The following LINGO2 variants were observed in gnomAD, a reference collection of about 807,000 sequenced individuals.
LINGO2 encodes the protein leucine rich repeat and Ig domain containing 2.
LINGO2 carries 14 observed loss-of-function variants against 30.6 expected under a neutral mutation model. That is an observed-to-expected ratio of 0.46 (90% CI 0.30 to 0.72). The LOEUF (loss-of-function observed/expected upper bound fraction) is 0.72. LINGO2 is among the 30% of genes least tolerant of loss of function. The pLI, the probability that LINGO2 is intolerant of heterozygous loss-of-function variation, is 0.07. For missense variants in LINGO2, 729 were observed against 751.7 expected (o/e 0.97, Z 0.35); for synonymous variants, 317 against 288.5 (o/e 1.10, Z -1.00).
intron 3 of LINGO2, among the ~76,000 whole-genome samples, chr9:28,370,292 G>T (rs1463374959): frequency 5.3e-5 from 8 of 152,188 alleles, no homozygotes; most frequent in African/African-American, 1.9e-4. Context: ...CATAGTCTCA[G>T]ATAAATTTAA....
chr9:28,708,799 TTGTC>T, the LINGO2 span, among the ~76,000 whole-genome samples: 553 of 93,696 alleles, frequency 5.9e-3, 5 homozygotes, highest in African/African-American at 0.031. Flanking sequence ...CCATCTATTA[TTGTC>T]TGTCTATCTA....
intron 2 of LINGO2, among the ~76,000 whole-genome samples, chr9:28,450,696 C>T (rs545049679): frequency 2.1e-4 from 32 of 152,054 alleles, no homozygotes; most frequent in Admixed American, 7.9e-4. Context: ...CAATCCATGC[C>T]GTATGTCAAT....
intron 5 of LINGO2, among the ~76,000 whole-genome samples, chr9:28,003,346 G>GATAGATAT (rs1554653736): frequency 8.6e-5 from 7 of 81,628 alleles, no homozygotes; most frequent in African/African-American, 3.3e-4. Context: ...TAGATATATA[G>GATAGATAT]ATAGATAGAT....
chr9:28,998,136 C>G, the LINGO2 span, among the ~76,000 whole-genome samples: 2 of 152,128 alleles, frequency 1.3e-5, no homozygotes, highest in Admixed American at 6.6e-5. Context: ...CAGAAGCAAC[C>G]TTAGACATTA....
chr9:28,011,918 T>C (rs898672862), intron 5 of LINGO2, among the ~76,000 whole-genome samples: 2 of 150,778 alleles, frequency 1.3e-5, no homozygotes, highest in African/African-American at 5.0e-5. Flanking sequence ...AAAGGGAATG[T>C]TGGTCTCAGC....
the LINGO2 span, among the ~76,000 whole-genome samples, chr9:29,087,721 A>G: frequency 3.9e-5 from 6 of 152,192 alleles, no homozygotes; most frequent in African/African-American, 1.4e-4. Flanking sequence ...AATGCCCAAT[A>G]TAGGATTTTG....
At chr9:28,531,469 A>G (rs933401268) in intron 1 of LINGO2, among the ~76,000 whole-genome samples, 1 of 152,158 alleles carries the variant, frequency 6.6e-6, no homozygotes, top group Non-Finnish European at 1.5e-5. Flanking sequence ...AACAATTTGC[A>G]ACATCTGACT....
intron 4 of LINGO2, among the ~76,000 whole-genome samples, chr9:28,154,401 G>C (rs1828080158): frequency 6.6e-6 from 1 of 152,126 alleles, no homozygotes; most frequent in Non-Finnish European, 1.5e-5. Context: ...AACACATGCA[G>C]AACCAAATGG....
the LINGO2 span, among the ~76,000 whole-genome samples, chr9:28,728,237 C>A: frequency 6.6e-5 from 10 of 152,076 alleles, no homozygotes; most frequent in Admixed American, 6.5e-4. Context: ...AAGAAAACCA[C>A]AACCCCCTCC....
chr9:28,802,822 T>C, the LINGO2 span, among the ~76,000 whole-genome samples: 1 of 152,072 alleles, frequency 6.6e-6, no homozygotes, highest in Non-Finnish European at 1.5e-5. Context: ...TTGCTATCTC[T>C]TTGGGCTCTA....
the LINGO2 span, among the ~76,000 whole-genome samples, chr9:28,934,469 CT>C: frequency 6.6e-6 from 1 of 152,088 alleles, no homozygotes; most frequent in African/African-American, 2.4e-5. Flanking sequence ...ATGTCAAGGG[CT>C]TATGTCTTTT....
the LINGO2 span, among the ~76,000 whole-genome samples, chr9:29,044,586 A>C: frequency 3.3e-5 from 5 of 152,086 alleles, no homozygotes; most frequent in Admixed American, 6.6e-5. Context: ...CTGAAATTCT[A>C]CTTCTGGGAA....
intron 1 of LINGO2, among the ~76,000 whole-genome samples, chr9:28,581,863 A>G (rs1824274145): frequency 6.6e-6 from 1 of 151,838 alleles, no homozygotes; most frequent in Non-Finnish European, 1.5e-5. Flanking sequence ...TTAAAGAAGC[A>G]TTCATTATAA....
intron 4 of LINGO2, among the ~76,000 whole-genome samples, chr9:28,219,180 TG>T (rs1216048185): frequency 1.3e-5 from 2 of 152,128 alleles, no homozygotes; most frequent in African/African-American, 4.8e-5. Context: ...TAAATTCAAC[TG>T]AAGTTAAGAA....
intron 4 of LINGO2, among the ~76,000 whole-genome samples, chr9:28,112,097 C>A (rs1291083956): frequency 1.0e-5 from 1 of 98,334 alleles, no homozygotes; most frequent in Non-Finnish European, 2.1e-5. Context: ...GTGTGATATT[C>A]CCCTTCCTGT....
intron 3 of LINGO2, among the ~76,000 whole-genome samples, chr9:28,299,907 C>T (rs1824071719): frequency 6.6e-6 from 1 of 152,068 alleles, no homozygotes; most frequent in South Asian, 2.1e-4. Flanking sequence ...TTCCAATACA[C>T]CACTTTCTTA....
intron 1 of LINGO2, among the ~76,000 whole-genome samples, chr9:28,586,172 T>C (rs1824527780): frequency 6.6e-6 from 1 of 151,776 alleles, no homozygotes; most frequent in Admixed American, 6.6e-5. Context: ...CCTGCAGGAG[T>C]TTCTTGTAAT....
intron 2 of LINGO2, among the ~76,000 whole-genome samples, chr9:28,461,878 T>A (rs1360694569): frequency 6.6e-6 from 1 of 152,188 alleles, no homozygotes; most frequent in African/African-American, 2.4e-5. Context: ...TTTATCTCAT[T>A]TAAATTTTTT....
upstream of LINGO2, among the ~76,000 whole-genome samples, chr9:28,672,752 G>A (rs1213192061): frequency 2.0e-5 from 3 of 152,066 alleles, no homozygotes; most frequent in Non-Finnish European, 2.9e-5. Context: ...ACAATGGAGA[G>A]AATCCTGAAA....
Sources: allele counts gnomAD v4.1 joint callset (sites outside exome capture counted in the v4.1 genomes callset), GRCh38; gene constraint gnomAD v4.1.1; transcripts MANE v1.5; gene names NCBI Gene and HGNC (gene_info 2026-07-23, HGNC 2026-07-21).